The following RNF13 variants were observed in gnomAD, a reference collection of about 807,000 sequenced individuals.
The protein encoded by RNF13 is E3 ubiquitin-protein ligase RNF13.
In RNF13, 19 loss-of-function variants were observed where a neutral mutation model predicts 37.7. The ratio of observed to expected loss-of-function variants is 0.50; its 90% CI spans 0.35 to 0.74. RNF13 has a LOEUF of 0.74. Among genes scored for constraint, RNF13 ranks in the 30% least tolerant of loss-of-function variants. The pLI is 0.01. For synonymous variants in RNF13, 144 were observed against 157.8 expected (o/e 0.91, Z 0.65); for missense variants, 375 against 453.0 (o/e 0.83, Z 1.56).
chr3:149,951,276 T>C (rs35111730), intron 8 of RNF13, among the ~76,000 whole-genome samples: 20,288 of 152,230 alleles, frequency 0.13, 1,795 homozygotes, highest in Middle Eastern at 0.24. Context: ...AAAGGGAATG[T>C]TTCTCAGCTC....
intron 3 of RNF13, among the ~76,000 whole-genome samples, chr3:149,861,637 TGA>T (rs1336329250): frequency 6.6e-6 from 1 of 152,016 alleles, no homozygotes; most frequent in Non-Finnish European, 1.5e-5. Context: ...AAGATGTGGT[TGA>T]GAGGGGGAGA....
Position 149,872,095 on chromosome 3 carries a change from A to T in RNF13, c.262A>T (p.Asn88Tyr). The T allele has an allele frequency of 6.2e-7, 1 of 1,604,858 alleles. No homozygotes were observed. The highest frequency in any genetic ancestry group is 1.1e-5 in the South Asian group (1 of 90,042). The change falls in exon 4 of 10, where the codon AAT becomes TAT. Residue 88 changes from asparagine (N) to tyrosine (Y), a missense_variant. Coordinates refer to ENST00000392894, the MANE Select transcript of RNF13 (RefSeq NM_183381.3). ...EPIVPPPVKD[N>Y]SSGTFIVLIR... ...CATAGTGCCTCCACCAGTAAAAGAC[A>T]ATTCATCTGGCACTTTCATCGTGTT...
intron 3 of RNF13, among the ~76,000 whole-genome samples, chr3:149,860,425 T>G (rs570833021): frequency 1.3e-5 from 2 of 151,500 alleles, no homozygotes; most frequent in African/African-American, 4.9e-5. Flanking sequence ...AACAGGCACA[T>G]AGACCAATGC....
intron 8 of RNF13, among the ~76,000 whole-genome samples, chr3:149,947,422 A>T (rs1367448765): frequency 2.1e-4 from 31 of 145,950 alleles, no homozygotes; most frequent in South Asian, 4.3e-4. Context: ...TTTTTTTTTT[A>T]AAGGCGGAGT....
intron 8 of RNF13, among the ~76,000 whole-genome samples, chr3:149,948,306 A>C (rs140956685): frequency 8.7e-4 from 132 of 152,220 alleles, no homozygotes; most frequent in East Asian, 6.0e-3. Flanking sequence ...GTTGGATCTC[A>C]TATTTTTTAG....
At chr3:149,949,622 C>G (rs1414208133) in intron 8 of RNF13, among the ~76,000 whole-genome samples, 1 of 151,850 alleles carries the variant, frequency 6.6e-6, no homozygotes, top group Non-Finnish European at 1.5e-5. Flanking sequence ...TCACATAGGT[C>G]CTCTACCCCT....
At chr3:149,870,250 G>T (rs746682879) in intron 3 of RNF13, among the ~76,000 whole-genome samples, 2 of 151,660 alleles carry the variant, frequency 1.3e-5, no homozygotes, top group Non-Finnish European at 2.9e-5. Flanking sequence ...TTCCAGTGTA[G>T]AAACAGTGAG....
chr3:149,850,358 T>TA (rs1723021663), intron 2 of RNF13, among the ~76,000 whole-genome samples: 1 of 152,228 alleles, frequency 6.6e-6, no homozygotes, highest in African/African-American at 2.4e-5. Context: ...ACCAAAAACG[T>TA]AAAGTACCTT....
intron 7 of RNF13, among the ~76,000 whole-genome samples, chr3:149,918,116 T>C (rs1717730703): frequency 6.6e-6 from 1 of 152,204 alleles, no homozygotes; most frequent in Non-Finnish European, 1.5e-5. Flanking sequence ...ATTTTAATAC[T>C]ATATTTATTT....
At chr3:149,949,943 G>A (rs534732983) in intron 8 of RNF13, among the ~76,000 whole-genome samples, 163 of 151,820 alleles carry the variant, frequency 1.1e-3, no homozygotes, top group African/African-American at 3.9e-3. Flanking sequence ...TACATTTTCT[G>A]TAGTTGTTCC....
chr3:149,816,015 G>A (rs541256949), intron 1 of RNF13, among the ~76,000 whole-genome samples: 4 of 151,468 alleles, frequency 2.6e-5, no homozygotes, highest in Non-Finnish European at 2.9e-5. Context: ...ATCTTAGCCC[G>A]ACAAGTAGCT....
intron 5 of RNF13, among the ~76,000 whole-genome samples, chr3:149,898,826 T>C (rs1715524741): frequency 6.6e-6 from 1 of 152,132 alleles, no homozygotes; most frequent in South Asian, 2.1e-4. Context: ...CATAAGGGGA[T>C]ATAGAATGAC....
chr3:149,936,920 C>T (rs1229493382), intron 8 of RNF13, among the ~76,000 whole-genome samples: 1 of 152,078 alleles, frequency 6.6e-6, no homozygotes, highest in South Asian at 2.1e-4. Flanking sequence ...TAGATGGCAC[C>T]CTAAGCCCAG....
At chr3:149,924,201 G>A (rs1341999679) in intron 8 of RNF13, among the ~76,000 whole-genome samples, 1 of 152,134 alleles carries the variant, frequency 6.6e-6, no homozygotes, top group Admixed American at 6.5e-5. Context: ...TCCTTAAATA[G>A]CAATAAGGAT....
chr3:149,955,365 A>G (rs1041428235), intron 8 of RNF13, among the ~76,000 whole-genome samples: 2 of 151,996 alleles, frequency 1.3e-5, no homozygotes, highest in African/African-American at 2.4e-5. Flanking sequence ...TCTAACCTTA[A>G]TAATAAATAT....
chr3:149,857,603 T>A (rs1028043650), intron 3 of RNF13, among the ~76,000 whole-genome samples: 23 of 152,222 alleles, frequency 1.5e-4, no homozygotes, highest in African/African-American at 5.5e-4. Context: ...AATTCAGAAC[T>A]ATACAACTGT....
chr3:149,844,728 T>G (rs1722479876), intron 1 of RNF13, among the ~76,000 whole-genome samples: 1 of 152,188 alleles, frequency 6.6e-6, no homozygotes. Flanking sequence ...GTATTTTACT[T>G]AAGAAACGAA....
chr3:149,820,548 A>G (rs763412635), intron 1 of RNF13, among the ~76,000 whole-genome samples: 30 of 152,170 alleles, frequency 2.0e-4, no homozygotes, highest in Non-Finnish European at 2.5e-4. Flanking sequence ...CATACTTACT[A>G]TGTTTGTCAT....
At chr3:149,890,884 C>T (rs1279444565) in intron 4 of RNF13, among the ~76,000 whole-genome samples, 1 of 152,206 alleles carries the variant, frequency 6.6e-6, no homozygotes, top group East Asian at 1.9e-4. Context: ...TTTCATCCCA[C>T]AGCCTTTTTC....
Sources: allele counts gnomAD v4.1 joint callset (sites outside exome capture counted in the v4.1 genomes callset), GRCh38; gene constraint gnomAD v4.1.1; transcripts MANE v1.5; gene names NCBI Gene and HGNC (gene_info 2026-07-23, HGNC 2026-07-21).